Variants in MARCHF4 observed in about 807,000 individuals in gnomAD.
The protein encoded by MARCHF4 is E3 ubiquitin-protein ligase MARCHF4.
Under a neutral mutation model 43.9 loss-of-function variants are expected in MARCHF4, and 14 were observed. That is an observed-to-expected ratio of 0.32 (90% CI 0.21 to 0.50). The LOEUF (loss-of-function observed/expected upper bound fraction) is 0.50, where lower values mean the gene tolerates loss of function less well. Among genes scored for constraint, MARCHF4 ranks in the 20% least tolerant of loss-of-function variants. The pLI, the probability that MARCHF4 is intolerant of heterozygous loss-of-function variation, is 0.98. For missense variants in MARCHF4, 468 were observed against 536.7 expected, an observed-to-expected ratio of 0.87 and a Z score of 1.27; for synonymous variants, 226 against 213.3, an observed-to-expected ratio of 1.06 and a Z score of -0.52.
chr2:216,281,683 C>A (rs573428684), intron 2 of MARCHF4, among the ~76,000 whole-genome samples: 168 of 152,318 alleles, frequency 1.1e-3, no homozygotes, highest in Non-Finnish European at 1.7e-3. Flanking sequence ...CTACTTCCTT[C>A]TTCCAGTGCT....
intron 1 of MARCHF4, among the ~76,000 whole-genome samples, chr2:216,288,420 C>G (rs1056821419): frequency 6.6e-6 from 1 of 152,108 alleles, no homozygotes; most frequent in Non-Finnish European, 1.5e-5. Context: ...TACTGTCACT[C>G]TAAGACAGGT....
chr2:216,289,019 A>T (rs1691263367), intron 1 of MARCHF4, among the ~76,000 whole-genome samples: 1 of 145,732 alleles, frequency 6.9e-6, no homozygotes, highest in Admixed American at 7.0e-5. Context: ...ATATCTATAT[A>T]TGAAAATATA....
rs141860327 is a variant in MARCHF4 at position 216,343,654 on chromosome 2, G to GTA, written c.516+26089_516+26090dup. On this transcript the variant is annotated intron_variant, in intron 1 of 3. Coordinates refer to ENST00000273067, the MANE Select transcript of MARCHF4 (RefSeq NM_020814.3). ...GTATCCTTTATCCAGCTTTATATGT[G>GTA]TATATATATATTTATCTCCATATTC... 4.3e-4 allele frequency among the ~76,000 whole-genome samples: 66 copies of GTA among 152,092 alleles called. No individual in the cohort carries two copies. The East Asian group carries it at 0.012, about 28-fold the overall frequency.
chr2:216,295,177 T>A (rs1308680824), intron 1 of MARCHF4, among the ~76,000 whole-genome samples: 1 of 152,148 alleles, frequency 6.6e-6, no homozygotes, highest in Non-Finnish European at 1.5e-5. Context: ...TTCTCAGGGG[T>A]AAAGTAGGAT....
chr2:216,258,998 C>A lies in MARCHF4; in HGVS notation c.*314G>T. On this transcript the variant is annotated 3_prime_UTR_variant, in exon 4 of 4. Coordinates refer to ENST00000273067, the MANE Select transcript of MARCHF4 (RefSeq NM_020814.3). ...AGGCTTTGCCTGCCCTCAGCCTCTG[C>A]TTCTTCGGGTACCTTGCCTGCAGGT... 4.4e-6 allele frequency: 1 copy of A among 225,926 alleles called. No homozygotes were observed. Among genetic ancestry groups the A allele is most frequent in the Non-Finnish European group, 8.8e-6 (1 of 113,614 alleles). 14.0% of individuals were successfully genotyped at this position (225,926 alleles called of 1,614,324 possible).
intron 1 of MARCHF4, among the ~76,000 whole-genome samples, chr2:216,356,673 A>C (rs901125881): frequency 1.1e-4 from 17 of 152,164 alleles, no homozygotes; most frequent in Non-Finnish European, 4.4e-5. Flanking sequence ...TTCCCTTTTA[A>C]GTTATTTTTA....
At chr2:216,322,112 T>A (rs1691906340) in intron 1 of MARCHF4, among the ~76,000 whole-genome samples, 2 of 152,188 alleles carry the variant, frequency 1.3e-5, no homozygotes, top group Admixed American at 6.5e-5. Flanking sequence ...TGTGTGTGTG[T>A]CCTGGTAAAT....
intron 1 of MARCHF4, among the ~76,000 whole-genome samples, chr2:216,327,403 T>G (rs764167485): frequency 8.5e-5 from 13 of 152,122 alleles, no homozygotes; most frequent in Non-Finnish European, 1.8e-4. Context: ...TAAGGTCTGC[T>G]TCTATAGGTT....
At chr2:216,266,481 C>T (rs761799963) in intron 3 of MARCHF4, among the ~76,000 whole-genome samples, 27 of 152,174 alleles carry the variant, frequency 1.8e-4, no homozygotes, top group Non-Finnish European at 3.7e-4. Flanking sequence ...TCTCCTGACT[C>T]CCCAGCCCTC....
chr2:216,313,708 G>A (rs1574473000), intron 1 of MARCHF4, among the ~76,000 whole-genome samples: 1 of 152,152 alleles, frequency 6.6e-6, no homozygotes, highest in Non-Finnish European at 1.5e-5. Context: ...AGGGTGTAGA[G>A]AGATCTGCTT....
At chr2:216,358,868 G>T (rs957969394) in intron 1 of MARCHF4, among the ~76,000 whole-genome samples, 1 of 152,174 alleles carries the variant, frequency 6.6e-6, no homozygotes, top group Non-Finnish European at 1.5e-5. Context: ...ACACTTCATT[G>T]TTGGGACTTA....
chr2:216,346,205 T>C (rs1265383339), intron 1 of MARCHF4, among the ~76,000 whole-genome samples: 2 of 152,176 alleles, frequency 1.3e-5, no homozygotes, highest in East Asian at 1.9e-4. Context: ...CTAGAATAGT[T>C]GGTCATTCTA....
At chr2:216,269,084 T>C (rs1690893354) in intron 3 of MARCHF4, among the ~76,000 whole-genome samples, 1 of 152,172 alleles carries the variant, frequency 6.6e-6, no homozygotes, top group Admixed American at 6.6e-5. Context: ...TTCTACTGTT[T>C]TAAAGCTTTG....
At chr2:216,323,597 A>G (rs1483701635) in intron 1 of MARCHF4, among the ~76,000 whole-genome samples, 1 of 152,222 alleles carries the variant, frequency 6.6e-6, no homozygotes, top group Non-Finnish European at 1.5e-5. Flanking sequence ...AAAGAACACA[A>G]ATTATAACAA....
Position 216,259,148 on chromosome 2 carries a change from C to G in MARCHF4, c.*164G>C. 1 of 964,336 alleles carries G rather than the reference C, an allele frequency of 1.0e-6. No homozygotes were observed. The highest frequency in any genetic ancestry group is 1.5e-6 in the Non-Finnish European group (1 of 666,442). The allele number at this position is 964,336 out of a possible 1,614,324, so 59.7% of individuals were successfully genotyped here. A position where few individuals can be genotyped will look rare whatever the true frequency, so the allele number is the denominator to read the frequency against. ...TGACTGATTGGAAATAGCAGAACTG[C>G]TCCTGCACCAGCCTCACTCCCGCTC... On this transcript the variant is annotated 3_prime_UTR_variant, in exon 4 of 4. Coordinates refer to ENST00000273067, the MANE Select transcript of MARCHF4 (RefSeq NM_020814.3).
At chr2:216,316,735 C>G (rs1231026437) in intron 1 of MARCHF4, among the ~76,000 whole-genome samples, 1 of 152,114 alleles carries the variant, frequency 6.6e-6, no homozygotes, top group Non-Finnish European at 1.5e-5. Flanking sequence ...TCTTGCCCCA[C>G]CCCCAGAACT....
chr2:216,328,504 T>C (rs1241541532), intron 1 of MARCHF4, among the ~76,000 whole-genome samples: 3 of 152,198 alleles, frequency 2.0e-5, no homozygotes, highest in Non-Finnish European at 4.4e-5. Context: ...CTAGGACTTA[T>C]GGTTCTATTT....
chr2:216,341,037 T>C (rs775554550), intron 1 of MARCHF4, among the ~76,000 whole-genome samples: 1 of 151,968 alleles, frequency 6.6e-6, no homozygotes, highest in Non-Finnish European at 1.5e-5. Flanking sequence ...CTCCCCTCAC[T>C]CTCCTCGGAT....
intron 1 of MARCHF4, among the ~76,000 whole-genome samples, chr2:216,367,190 T>C (rs1488097770): frequency 6.6e-6 from 1 of 152,166 alleles, no homozygotes. Flanking sequence ...GACATTCAGC[T>C]ACTAAGATTG....
Sources: allele counts gnomAD v4.1 joint callset (sites outside exome capture counted in the v4.1 genomes callset), GRCh38; gene constraint gnomAD v4.1.1; transcripts MANE v1.5; gene names NCBI Gene and HGNC (gene_info 2026-07-23, HGNC 2026-07-21).